The following SLC44A5 variants were observed in gnomAD, a reference collection of about 807,000 sequenced individuals.
The protein encoded by SLC44A5 is solute carrier family 44 member 5.
Under a neutral mutation model 101.8 loss-of-function variants are expected in SLC44A5, and 57 were observed. That is an observed-to-expected ratio of 0.56 (90% confidence interval 0.45 to 0.70). The LOEUF (loss-of-function observed/expected upper bound fraction) is 0.70, where lower values mean the gene tolerates loss of function less well. SLC44A5 is among the 30% of genes least tolerant of loss of function. The probability of loss-of-function intolerance (pLI) is 0.00; values close to 1 mark genes in which losing one functional copy is unlikely to be tolerated. For synonymous variants in SLC44A5, 281 were observed against 290.9 expected (o/e 0.97, Z 0.35); for missense variants, 737 against 853.1 (o/e 0.86, Z 1.70).
the SLC44A5 span, among the ~76,000 whole-genome samples, chr1:75,663,661 A>C: frequency 6.6e-6 from 1 of 152,218 alleles, no homozygotes; most frequent in African/African-American, 2.4e-5. Flanking sequence ...AAAACTTACC[A>C]GCCAAAAATA....
chr1:75,396,331 T>G (rs893026452), intron 3 of SLC44A5, among the ~76,000 whole-genome samples: 11 of 152,120 alleles, frequency 7.2e-5, no homozygotes, highest in African/African-American at 2.7e-4. Flanking sequence ...TCAGGTGAGC[T>G]GGGGTGATAA....
At chr1:75,391,927 G>A (rs911329396) in intron 3 of SLC44A5, among the ~76,000 whole-genome samples, 13 of 152,146 alleles carry the variant, frequency 8.5e-5, no homozygotes, top group Admixed American at 8.5e-4. Flanking sequence ...GCCAAGATGG[G>A]TGGATTGCTT....
chr1:75,668,652 C>T, the SLC44A5 span, among the ~76,000 whole-genome samples: 27 of 150,860 alleles, frequency 1.8e-4, no homozygotes, highest in Non-Finnish European at 3.2e-4. Flanking sequence ...TTTTCTGAAA[C>T]GCTTGTTTAT....
intron 1 of SLC44A5, among the ~76,000 whole-genome samples, chr1:75,587,264 C>T (rs1366927252): frequency 6.6e-6 from 1 of 152,094 alleles, no homozygotes. Context: ...TCTCCCATCA[C>T]CCTCCTAAAC....
At chr1:75,529,138 T>C (rs1264275524) in intron 2 of SLC44A5, among the ~76,000 whole-genome samples, 2 of 152,194 alleles carry the variant, frequency 1.3e-5, no homozygotes, top group Non-Finnish European at 2.9e-5. Context: ...TAGCACCTGA[T>C]GAAGACTGAT....
the SLC44A5 span, among the ~76,000 whole-genome samples, chr1:75,699,188 C>A: frequency 0.26 from 39,000 of 151,456 alleles, 5,353 homozygotes; most frequent in Middle Eastern, 0.37. Flanking sequence ...AGCAACTCCA[C>A]GACACATAAT....
At chr1:75,574,430 A>G (rs1488518006) in intron 1 of SLC44A5, among the ~76,000 whole-genome samples, 2 of 152,252 alleles carry the variant, frequency 1.3e-5, no homozygotes, top group Non-Finnish European at 2.9e-5. Context: ...CCTAAAATTC[A>G]TGCAGTTTTA....
At chr1:75,516,864 T>C (rs1347622103) in intron 2 of SLC44A5, among the ~76,000 whole-genome samples, 1 of 152,196 alleles carries the variant, frequency 6.6e-6, no homozygotes, top group African/African-American at 2.4e-5. Context: ...TAAAATCTAT[T>C]TCAAAGTGGC....
intron 2 of SLC44A5, among the ~76,000 whole-genome samples, chr1:75,472,959 G>A (rs988057958): frequency 6.6e-6 from 1 of 152,116 alleles, no homozygotes; most frequent in Non-Finnish European, 1.5e-5. Flanking sequence ...GTGATGAATT[G>A]TCATCTCCCT....
At chr1:75,430,705 G>T (rs1664566885) in intron 2 of SLC44A5, among the ~76,000 whole-genome samples, 1 of 152,182 alleles carries the variant, frequency 6.6e-6, no homozygotes, top group South Asian at 2.1e-4. Flanking sequence ...GACTCAATAG[G>T]TTGGAATGGA....
chr1:75,489,147 T>C (rs1668305747), intron 2 of SLC44A5, among the ~76,000 whole-genome samples: 2 of 152,170 alleles, frequency 1.3e-5, no homozygotes, highest in African/African-American at 4.8e-5. Context: ...ATTTTAATAC[T>C]ATGATAGCTG....
At chr1:75,348,941 T>C (rs1022613661) in intron 3 of SLC44A5, among the ~76,000 whole-genome samples, 8 of 152,210 alleles carry the variant, frequency 5.3e-5, no homozygotes, top group Non-Finnish European at 8.8e-5. Context: ...ACTCGGTAGA[T>C]AAATTTGACA....
intron 4 of SLC44A5, among the ~76,000 whole-genome samples, chr1:75,330,976 T>TG (rs954840870): frequency 2.4e-4 from 36 of 151,920 alleles, no homozygotes; most frequent in African/African-American, 8.5e-4. Context: ...CTTTTTTTTT[T>TG]TTTTTTTGGC....
the SLC44A5 span, among the ~76,000 whole-genome samples, chr1:75,703,312 A>G: frequency 5.3e-5 from 8 of 152,138 alleles, no homozygotes; most frequent in Non-Finnish European, 1.0e-4. Context: ...CATATACACC[A>G]TGGAATACTA....
At chr1:75,416,612 G>C (rs978732017) in intron 2 of SLC44A5, among the ~76,000 whole-genome samples, 4 of 152,190 alleles carry the variant, frequency 2.6e-5, no homozygotes, top group Non-Finnish European at 5.9e-5. Context: ...TGCACTGTGT[G>C]CCTGAAAAAG....
chr1:75,283,939 T>C (rs1652828085), intron 5 of SLC44A5, among the ~76,000 whole-genome samples: 1 of 152,116 alleles, frequency 6.6e-6, no homozygotes, highest in Non-Finnish European at 1.5e-5. Context: ...TGATCTGTGA[T>C]CCCTTCAGAT....
chr1:75,552,719 T>TTG (rs1672008234), intron 1 of SLC44A5, among the ~76,000 whole-genome samples: 1 of 151,994 alleles, frequency 6.6e-6, no homozygotes, highest in African/African-American at 2.4e-5. Flanking sequence ...TCTATCCTTT[T>TTG]GGAGTGTCTG....
chr1:75,440,197 A>G (rs1665117493), intron 2 of SLC44A5, among the ~76,000 whole-genome samples: 2 of 152,198 alleles, frequency 1.3e-5, no homozygotes, highest in South Asian at 4.1e-4. Context: ...ACAATGGTGC[A>G]AATAGAATAG....
chr1:75,634,780 A>C, the SLC44A5 span, among the ~76,000 whole-genome samples: 4 of 152,024 alleles, frequency 2.6e-5, no homozygotes, highest in Admixed American at 6.6e-5. Context: ...AAAACACCAA[A>C]AGCAATGGCA....
Sources: gnomAD v4.1 joint callset for allele counts (sites outside exome capture counted in the v4.1 genomes callset) on GRCh38, gnomAD v4.1.1 for gene constraint, MANE v1.5 for transcripts, NCBI Gene and HGNC (gene_info 2026-07-23, HGNC 2026-07-21) for gene names.